Variants in PDS5B observed in about 807,000 individuals in gnomAD.
The protein encoded by PDS5B is sister chromatid cohesion protein PDS5 homolog B.
A neutral mutation model predicts 184.1 loss-of-function variants in PDS5B; 51 were observed. The observed-to-expected ratio is 0.28, with a 90% CI of 0.22 to 0.35. PDS5B has a LOEUF of 0.35. Among genes scored for constraint, PDS5B ranks in the 10% least tolerant of loss-of-function variants. PDS5B has a pLI of 1.00. For synonymous variants in PDS5B, 566 were observed against 569.2 expected, an observed-to-expected ratio of 0.99 and a Z score of 0.08; for missense variants, 1,180 against 1,723.3, an observed-to-expected ratio of 0.68 and a Z score of 5.58.
intron 6 of PDS5B, among the ~76,000 whole-genome samples, chr13:32,666,048 TTAGA>T (rs1474858763): frequency 6.6e-6 from 1 of 152,122 alleles, no homozygotes; most frequent in African/African-American, 2.4e-5. Context: ...AAAAATACAG[TTAGA>T]TAGAAGGCAT....
intron 1 of PDS5B, among the ~76,000 whole-genome samples, chr13:32,597,181 G>T (rs888080773): frequency 6.6e-6 from 1 of 151,348 alleles, no homozygotes; most frequent in Non-Finnish European, 1.5e-5. Flanking sequence ...CTACAGATAC[G>T]TGCCACCATG....
chr13:32,760,462 T>C, intron 29 of PDS5B, 113 bp from the exon 30 acceptor site: 1 of 983,668 alleles, frequency 1.0e-6, no homozygotes, highest in Non-Finnish European at 1.5e-6. Context: ...GATAGACACA[T>C]TTTTCATGAT....
chr13:32,764,445 G>A (rs756280592), intron 30 of PDS5B, 44 bp from the exon 31 acceptor site: 7 of 1,220,164 alleles, frequency 5.7e-6, no homozygotes, highest in East Asian at 5.1e-5. Flanking sequence ...AAGCTTGTAA[G>A]GTTATTTGAT....
chr13:32,635,597 C>T (rs1361782312), intron 1 of PDS5B, among the ~76,000 whole-genome samples: 1 of 151,674 alleles, frequency 6.6e-6, no homozygotes, highest in South Asian at 2.1e-4. Context: ...CCGCCTCAAC[C>T]TCCCAAAGTG....
At chr13:32,725,425 A>G (rs937014516) in intron 19 of PDS5B, among the ~76,000 whole-genome samples, 4 of 151,908 alleles carry the variant, frequency 2.6e-5, no homozygotes, top group Admixed American at 6.6e-5. Context: ...TTTCTTTGCT[A>G]TCTTGTATGA....
In PDS5B at chr13:32,645,971, GATGTGTGT is replaced by G. The variant is rs1046890289; in HGVS notation, c.-19-2782_-19-2775del. On this transcript the variant is annotated intron_variant, in intron 1 of 34. Coordinates refer to ENST00000315596, the MANE Select transcript of PDS5B (RefSeq NM_015032.4). ...TTTTGTGTCTGGCTTCTTTCACTTT[GATGTGTGT>G]GTGTGGGTGTGTGGGTGTGTGGTGT... 3.3e-5 allele frequency among the ~76,000 whole-genome samples: 5 copies of G among 150,518 alleles called. No individual in the cohort carries two copies. The South Asian group carries it at 1.1e-3, about 32-fold the overall frequency.
intron 19 of PDS5B, among the ~76,000 whole-genome samples, chr13:32,711,202 C>A (rs1952193209): frequency 6.6e-6 from 1 of 151,934 alleles, no homozygotes; most frequent in Non-Finnish European, 1.5e-5. Context: ...CCAGGTTGGT[C>A]TTGAACTCCT....
chr13:32,652,948 A>C (rs1020470041), intron 3 of PDS5B, among the ~76,000 whole-genome samples: 1 of 152,142 alleles, frequency 6.6e-6, no homozygotes, highest in Non-Finnish European at 1.5e-5. Context: ...GAGTTGTGCA[A>C]AAGATACTGA....
chr13:32,645,035 A>G (rs1950183826), intron 1 of PDS5B, among the ~76,000 whole-genome samples: 1 of 152,144 alleles, frequency 6.6e-6, no homozygotes, highest in South Asian at 2.1e-4. Context: ...TTTCAGATAC[A>G]GACTCTCACT....
chr13:32,652,305 T>C (rs1950385719), intron 3 of PDS5B: 2 of 257,336 alleles, frequency 7.8e-6, no homozygotes, highest in South Asian at 1.4e-4. Flanking sequence ...TGAAAATCCA[T>C]ATTGAAGACC....
At chr13:32,722,105 G>A (rs1242601100) in intron 19 of PDS5B, among the ~76,000 whole-genome samples, 6 of 152,220 alleles carry the variant, frequency 3.9e-5, no homozygotes, top group African/African-American at 7.2e-5. Flanking sequence ...CTGCAATCCC[G>A]GCACCTTGGG....
chr13:32,736,668 A>T (rs1166972403), intron 21 of PDS5B, among the ~76,000 whole-genome samples: 1 of 152,022 alleles, frequency 6.6e-6, no homozygotes, highest in Admixed American at 6.6e-5. Context: ...ACTTTAAATA[A>T]TTTTTAGGCA....
In PDS5B at chr13:32,621,904, T is replaced by G. The variant is rs151193512; in HGVS notation, c.-19-26850T>G. On this transcript the variant is annotated intron_variant, in intron 1 of 34. Transcript: ENST00000315596. ...CCAAAAACATTTACTGTCTGGTCTT[T>G]TAAGAAAAAGTTTGCCAGTCTCTGG... Among the ~76,000 whole-genome samples the G allele has an allele frequency of 1.6e-4, 24 of 152,372 alleles. No individual in the cohort carries two copies. The East Asian group carries it at 4.6e-3, about 29-fold the overall frequency.
intron 18 of PDS5B, 38 bp downstream of exon 18, chr13:32,707,077 T>C (rs777756016): frequency 8.3e-6 from 9 of 1,088,030 alleles, no homozygotes; most frequent in South Asian, 2.8e-5. Flanking sequence ...TAATTAGATA[T>C]CTGTTTAACA....
intron 10 of PDS5B, among the ~76,000 whole-genome samples, chr13:32,683,636 A>C (rs1951309601): frequency 6.6e-6 from 1 of 152,078 alleles, no homozygotes; most frequent in Non-Finnish European, 1.5e-5. Flanking sequence ...GTGAATTCTT[A>C]ATCAAGTTAT....
At chr13:32,731,496 A>G (rs778537634) in intron 19 of PDS5B, among the ~76,000 whole-genome samples, 22 of 149,860 alleles carry the variant, frequency 1.5e-4, no homozygotes, top group East Asian at 1.9e-4. Flanking sequence ...TCCTATTTCT[A>G]TCCTCCATCT....
At chr13:32,709,751 A>C (rs1952143484) in intron 18 of PDS5B, among the ~76,000 whole-genome samples, 195 bp from the exon 19 acceptor site, 1 of 152,122 alleles carries the variant, frequency 6.6e-6, no homozygotes, top group Non-Finnish European at 1.5e-5. Flanking sequence ...TATATCATAC[A>C]ATCTTCCTAC....
intron 24 of PDS5B, among the ~76,000 whole-genome samples, chr13:32,750,470 T>C (rs912206016): frequency 5.3e-5 from 8 of 152,174 alleles, no homozygotes; most frequent in Non-Finnish European, 1.0e-4. Flanking sequence ...TAACTTTGTT[T>C]CGTGGAGTAT....
intron 30 of PDS5B, 137 bp from the exon 31 acceptor site, chr13:32,764,352 A>G (rs1184956379): frequency 4.7e-6 from 2 of 426,778 alleles, no homozygotes; most frequent in Non-Finnish European, 8.4e-6. Context: ...GTTGGTACCA[A>G]ATATGGTAGA....
Sources: allele counts gnomAD v4.1 joint callset (sites outside exome capture counted in the v4.1 genomes callset), GRCh38; gene constraint gnomAD v4.1.1; transcripts MANE v1.5; gene names NCBI Gene and HGNC (gene_info 2026-07-23, HGNC 2026-07-21).